ASTN1: variants seen among roughly 807,000 people sequenced by gnomAD.
ASTN1 encodes the protein astrotactin-1.
Under a neutral mutation model 140.7 loss-of-function variants are expected in ASTN1, and 41 were observed. The observed-to-expected ratio is 0.29, with a 90% confidence interval of 0.23 to 0.38. ASTN1 has a LOEUF of 0.38. Among genes scored for constraint, ASTN1 ranks in the 10% least tolerant of loss-of-function variants. The pLI is 1.00. For missense variants in ASTN1, 1,479 were observed against 1,678.8 expected, an observed-to-expected ratio of 0.88 and a Z score of 2.08; for synonymous variants, 640 against 652.2, an observed-to-expected ratio of 0.98 and a Z score of 0.29.
At chr1:176,985,209 A>T (rs1673829687) in intron 8 of ASTN1, among the ~76,000 whole-genome samples, 1 of 152,234 alleles carries the variant, frequency 6.6e-6, no homozygotes, top group Middle Eastern at 3.4e-3. Context: ...ATAACATGAA[A>T]AGTCTTTTCC....
chr1:176,944,231 C>T (rs1485270784), intron 13 of ASTN1, among the ~76,000 whole-genome samples: 1 of 152,160 alleles, frequency 6.6e-6, no homozygotes, highest in African/African-American at 2.4e-5. Flanking sequence ...CATGTGCCAC[C>T]ACGCCCGGCT....
In ASTN1 at chr1:176,882,906, G is replaced by C; in HGVS notation, c.3315C>G (p.Thr1105=). Residue 1105 remains threonine, a synonymous_variant, in exon 20 of 23, where the codon ACC becomes ACG. Transcript: ENST00000361833. Reference sequence around the variant, plus strand: ...GGCATCGTATGATCAGAGAGATGGTGGTGAGCTGCTTGTCCGGCACCTGAG... The same window carrying C: ...GGCATCGTATGATCAGAGAGATGGTCGTGAGCTGCTTGTCCGGCACCTGAG... ...MPSQVPDKQL[T]TISLIIRCLE... The C allele has an allele frequency of 6.2e-7, 1 of 1,614,128 alleles. No homozygotes were observed. The highest frequency in any genetic ancestry group is 8.5e-7 in the Non-Finnish European group (1 of 1,180,010).
At chr1:177,119,876 A>G (rs1321196839) in intron 1 of ASTN1, among the ~76,000 whole-genome samples, 1 of 152,172 alleles carries the variant, frequency 6.6e-6, no homozygotes, top group African/African-American at 2.4e-5. Flanking sequence ...GATGGCTATC[A>G]ACCAGCAGAG....
intron 1 of ASTN1, among the ~76,000 whole-genome samples, chr1:177,139,828 C>T (rs1282690887): frequency 6.6e-6 from 1 of 152,016 alleles, no homozygotes; most frequent in Non-Finnish European, 1.5e-5. Flanking sequence ...AGATCTCTGG[C>T]TTGTCCCATC....
At chr1:176,898,984 G>A (rs1056484081) in intron 16 of ASTN1, among the ~76,000 whole-genome samples, 3 of 152,170 alleles carry the variant, frequency 2.0e-5, no homozygotes, top group African/African-American at 7.2e-5. Flanking sequence ...GAATACCCAG[G>A]TGTGGCTCCC....
chr1:177,151,099 G>T (rs1683010523), intron 1 of ASTN1, among the ~76,000 whole-genome samples: 1 of 152,192 alleles, frequency 6.6e-6, no homozygotes, highest in African/African-American at 2.4e-5. Context: ...GGTAAATACA[G>T]GTAGTTAGGA....
At chr1:176,981,211 CAAAAAAAAAAAAAAA>C (rs35209486) in intron 8 of ASTN1, among the ~76,000 whole-genome samples, 1 of 24,058 alleles carries the variant, frequency 4.2e-5, no homozygotes, top group Non-Finnish European at 8.8e-5. Flanking sequence ...GACTCTGTCT[CAAAAAAAAAAAAAAA>C]AAAAAAAAAA....
intron 1 of ASTN1, among the ~76,000 whole-genome samples, chr1:177,114,687 G>A (rs1293655130): frequency 6.6e-6 from 1 of 152,028 alleles, no homozygotes; most frequent in Non-Finnish European, 1.5e-5. Flanking sequence ...TGTGTTTAGT[G>A]CTATGCAATT....
chr1:176,882,125 T>C (rs562808850), intron 20 of ASTN1, among the ~76,000 whole-genome samples: 22 of 152,294 alleles, frequency 1.4e-4, no homozygotes, highest in Admixed American at 5.2e-4. Flanking sequence ...CAGGGAGAAA[T>C]GGGGAAGAGT....
At chr1:177,097,494 TATA>T (rs528358538) in intron 1 of ASTN1, among the ~76,000 whole-genome samples, 71 of 152,328 alleles carry the variant, frequency 4.7e-4, no homozygotes, top group Non-Finnish European at 9.0e-4. Flanking sequence ...TGAAAGTGGC[TATA>T]ATAATAGTAC....
At chr1:177,108,445 T>C (rs1016047986) in intron 1 of ASTN1, among the ~76,000 whole-genome samples, 2 of 151,672 alleles carry the variant, frequency 1.3e-5, no homozygotes, top group Admixed American at 6.6e-5. Context: ...ATAAGTGAAA[T>C]CATACAGTAC....
chr1:176,884,317 C>G (rs767644396), intron 19 of ASTN1, 22 bp downstream of exon 19: 16 of 1,607,606 alleles, frequency 1.0e-5, no homozygotes, highest in African/African-American at 1.3e-5. Context: ...CAAGACAAGC[C>G]CATGAAGTAG....
At chr1:177,129,923 T>TG (rs1311848018) in intron 1 of ASTN1, among the ~76,000 whole-genome samples, 13 of 152,164 alleles carry the variant, frequency 8.5e-5, no homozygotes, top group African/African-American at 3.1e-4. Flanking sequence ...GCCAAGATCT[T>TG]GACACTGCGC....
intron 1 of ASTN1, among the ~76,000 whole-genome samples, chr1:177,143,492 C>G (rs891436412): frequency 6.6e-6 from 1 of 152,096 alleles, no homozygotes; most frequent in Non-Finnish European, 1.5e-5. Context: ...AGCCATTGTC[C>G]TAGGAGCCTC....
chr1:177,004,199 C>T (rs892615707), intron 8 of ASTN1, among the ~76,000 whole-genome samples: 2 of 151,802 alleles, frequency 1.3e-5, no homozygotes, highest in African/African-American at 4.8e-5. Context: ...AGAATAAAAT[C>T]AAGAACTCAA....
intron 3 of ASTN1, among the ~76,000 whole-genome samples, chr1:177,031,515 G>A (rs1016445526): frequency 1.3e-5 from 2 of 152,184 alleles, no homozygotes; most frequent in Non-Finnish European, 2.9e-5. Context: ...ATGAAGAGAT[G>A]TTGATGATAT....
intron 1 of ASTN1, among the ~76,000 whole-genome samples, chr1:177,101,276 C>G (rs1379118039): frequency 6.6e-6 from 1 of 152,090 alleles, no homozygotes; most frequent in East Asian, 1.9e-4. Flanking sequence ...CTGTCCTGTT[C>G]AAAATAGACC....
At chr1:177,126,656 T>C (rs184571648) in intron 1 of ASTN1, among the ~76,000 whole-genome samples, 2 of 152,350 alleles carry the variant, frequency 1.3e-5, no homozygotes, top group African/African-American at 2.4e-5. Context: ...CAAATGTGCA[T>C]ACTAAGTGAC....
In ASTN1 at chr1:176,981,211, CAAAAAAAAAAAAAA is replaced by C. The variant is rs35209486; in HGVS notation, c.1524-15988_1524-15975del. On this transcript the variant is annotated intron_variant, in intron 8 of 22. Transcript: ENST00000361833. ...TGGGTGACAGAAGGAGACTCTGTCT[CAAAAAAAAAAAAAA>C]AAAAAAAAAAAAAAAAGGAAGCACA... is the stretch of plus-strand genomic sequence containing the variant. 7.1e-4 allele frequency among the ~76,000 whole-genome samples: 17 copies of C among 24,064 alleles called. No individual in the cohort carries two copies. In the South Asian group the frequency reaches 0.013, roughly 18 times the overall value. 15.8% of individuals were successfully genotyped at this position (24,064 alleles called of 152,430 possible). A position where few individuals can be genotyped will look rare whatever the true frequency, so the allele number is the denominator to read the frequency against.
Sources: allele counts gnomAD v4.1 joint callset (sites outside exome capture counted in the v4.1 genomes callset), GRCh38; gene constraint gnomAD v4.1.1; transcripts MANE v1.5; gene names NCBI Gene and HGNC (gene_info 2026-07-23, HGNC 2026-07-21).